TCF7L2: variants seen among roughly 807,000 people sequenced by gnomAD.
The protein encoded by TCF7L2 is transcription factor 7 like 2, also known as transcription factor 7-like 2.
In TCF7L2, 23 loss-of-function variants were observed where a neutral mutation model predicts 77.9. The observed-to-expected ratio is 0.30, with a 90% CI of 0.21 to 0.42. TCF7L2 has a LOEUF of 0.42. Among genes scored for constraint, TCF7L2 ranks in the 10% least tolerant of loss-of-function variants. The pLI, the probability that TCF7L2 is intolerant of heterozygous loss-of-function variation, is 1.00. For missense variants in TCF7L2, 654 were observed against 793.1 expected (o/e 0.82, Z 2.11); for synonymous variants, 413 against 340.2 (o/e 1.21, Z -2.36).
At chr10:112,961,246 C>A (rs1437819406) in intron 3 of TCF7L2, among the ~76,000 whole-genome samples, 1 of 95,338 alleles carries the variant, frequency 1.0e-5, no homozygotes, top group African/African-American at 4.9e-5. Context: ...AACTCCCGAC[C>A]TCAGGTGACC....
intron 11 of TCF7L2, among the ~76,000 whole-genome samples, chr10:113,157,030 G>A (rs1231365529): frequency 6.6e-6 from 1 of 152,222 alleles, no homozygotes; most frequent in African/African-American, 2.4e-5. Flanking sequence ...GGGAGGAGTG[G>A]TATCATCCTC....
chr10:113,136,103 C>G (rs1195885044), intron 5 of TCF7L2, among the ~76,000 whole-genome samples: 1 of 152,088 alleles, frequency 6.6e-6, no homozygotes, highest in Non-Finnish European at 1.5e-5. Context: ...AGGCATGTAA[C>G]CTGGAAAAAA....
rs544190395 is a variant in TCF7L2, at chr10:113,005,218, A to G, written c.451-34807A>G. Reference sequence around the variant, plus strand: ...TCTACCACGCCGCCTGATCATTCCAATGGCCCATTATGAATGTGTGTGCTG... The same window carrying G: ...TCTACCACGCCGCCTGATCATTCCAGTGGCCCATTATGAATGTGTGTGCTG... On this transcript the variant is annotated intron_variant, in intron 4 of 13. Coordinates refer to ENST00000627217, the MANE Select transcript of TCF7L2 (RefSeq NM_001146274.2). 6.6e-5 allele frequency among the ~76,000 whole-genome samples: 10 copies of G among 152,292 alleles called. No homozygotes were observed. In the East Asian group the frequency reaches 1.2e-3, roughly 18 times the overall value.
At chr10:113,089,794 A>T (rs1030183672) in intron 5 of TCF7L2, among the ~76,000 whole-genome samples, 1 of 152,196 alleles carries the variant, frequency 6.6e-6, no homozygotes, top group African/African-American at 2.4e-5. Flanking sequence ...CCTGGCTCCC[A>T]GTGAAGGCCC....
Position 113,166,722 on chromosome 10 carries a change from C to A in TCF7L2, c.*750C>A, listed in dbSNP as rs1408928129. ...TCTTGAAACTGTATAAAGTTTTTTT[C>A]CCCCTTAGCATAAGCATCTTATATA... On this transcript the variant is annotated 3_prime_UTR_variant, in exon 14 of 14. Transcript: ENST00000627217. 1.3e-5 allele frequency: 3 copies of A among 229,374 alleles called. No individual in the cohort carries two copies. The East Asian group carries it at 1.9e-4, about 14-fold the overall frequency. The allele number at this position is 229,374 out of a possible 1,614,324, so 14.2% of individuals were successfully genotyped here. A position where few individuals can be genotyped will look rare whatever the true frequency, so the allele number is the denominator to read the frequency against.
chr10:113,015,730 G>C (rs1412391686), intron 4 of TCF7L2, among the ~76,000 whole-genome samples: 1 of 151,992 alleles, frequency 6.6e-6, no homozygotes, highest in Non-Finnish European at 1.5e-5. Context: ...GATGCCAAAG[G>C]TTCACACCTT....
chr10:113,100,652 T>C (rs1219742717), intron 5 of TCF7L2, among the ~76,000 whole-genome samples: 1 of 152,198 alleles, frequency 6.6e-6, no homozygotes, highest in Non-Finnish European at 1.5e-5. Flanking sequence ...GTTAAACTTA[T>C]TGCGACCCTC....
At chr10:113,063,893 C>CGTGTGTGTGTGT (rs34087825) in intron 5 of TCF7L2, among the ~76,000 whole-genome samples, 142 of 147,156 alleles carry the variant, frequency 9.6e-4, no homozygotes, top group African/African-American at 3.4e-3. Flanking sequence ...ATGGATGTGG[C>CGTGTGTGTGTGT]GTGTGTGTGT....
intron 13 of TCF7L2, chr10:113,161,462 G>A (rs1592491504): frequency 8.8e-7 from 1 of 1,135,762 alleles, no homozygotes; most frequent in African/African-American, 1.5e-5. Context: ...GCATTCTCAG[G>A]GAAAGTGTAG....
At chr10:113,161,278 T>G (rs753737553) in intron 13 of TCF7L2, 2 of 442,556 alleles carry the variant, frequency 4.5e-6, no homozygotes, top group African/African-American at 2.0e-5. Flanking sequence ...ATGCACCAGC[T>G]AAAGGGCTGC....
chr10:112,951,706 CCCTCCCCGCCTCCT>C (rs1317052542), intron 3 of TCF7L2, 99 bp downstream of exon 3: 4 of 593,442 alleles, frequency 6.7e-6, no homozygotes, highest in South Asian at 7.2e-5. Context: ...CCCCGCCTCC[CCCTCCCCGCCTCCT>C]CCCCTCCCTC....
At chr10:113,063,723 G>A (rs2134985095) in intron 5 of TCF7L2, among the ~76,000 whole-genome samples, 1 of 152,308 alleles carries the variant, frequency 6.6e-6, no homozygotes, top group African/African-American at 2.4e-5. Context: ...CAAGGAGCCG[G>A]AGGGTGGAGA....
intron 5 of TCF7L2, among the ~76,000 whole-genome samples, chr10:113,050,343 G>A (rs142430661): frequency 1.4e-4 from 21 of 152,264 alleles, no homozygotes; most frequent in African/African-American, 4.8e-4. Context: ...AGCTGAGAGC[G>A]GTACAGCCTT....
In TCF7L2 at chr10:113,167,102, C is replaced by T; in HGVS notation, c.*1130C>T. On this transcript the variant is annotated 3_prime_UTR_variant, in exon 14 of 14. Transcript: ENST00000627217. ...AATTCTCAGTGAATTTAGCTTTCTC[C>T]CTCTTTTTGATGCTGTAATTTTTGT... 1 of 230,006 alleles carries T rather than the reference C, an allele frequency of 4.3e-6. No homozygotes were observed. Among genetic ancestry groups the T allele is most frequent in the African/African-American group, 2.2e-5 (1 of 45,216 alleles). The allele number at this position is 230,006 out of a possible 1,614,324, so 14.2% of individuals were successfully genotyped here.
chr10:113,077,583 C>A (rs916117821), intron 5 of TCF7L2, among the ~76,000 whole-genome samples: 1 of 152,146 alleles, frequency 6.6e-6, no homozygotes, highest in Non-Finnish European at 1.5e-5. Flanking sequence ...TAGATATATA[C>A]ATGAAGTCAT....
intron 5 of TCF7L2, among the ~76,000 whole-genome samples, chr10:113,064,308 C>T (rs946127362): frequency 3.3e-5 from 5 of 152,204 alleles, no homozygotes; most frequent in African/African-American, 4.8e-5. Context: ...CAGCTGGTTC[C>T]GTGCTCTGCA....
chr10:113,078,552 A>T (rs12146405), intron 5 of TCF7L2, among the ~76,000 whole-genome samples: 5 of 151,744 alleles, frequency 3.3e-5, no homozygotes, highest in East Asian at 1.9e-4. Flanking sequence ...TCTTTAAAAA[A>T]TTTTTTTTGC....
chr10:113,021,361 C>T (rs2048245237), intron 4 of TCF7L2, among the ~76,000 whole-genome samples: 1 of 152,074 alleles, frequency 6.6e-6, no homozygotes, highest in Non-Finnish European at 1.5e-5. Context: ...ATGTACACCT[C>T]CTAGGAAGTA....
At chr10:113,073,129 T>TGTGTGTGTGTGTGTGAGAGA (rs56927661) in intron 5 of TCF7L2, among the ~76,000 whole-genome samples, 24 of 123,484 alleles carry the variant, frequency 1.9e-4, no homozygotes, top group Non-Finnish European at 2.9e-4. Flanking sequence ...TGTGTGTGTG[T>TGTGTGTGTGTGTGTGAGAGA]GAGAGAGAGA....
Sources: gnomAD v4.1 joint callset for allele counts (sites outside exome capture counted in the v4.1 genomes callset) on GRCh38, gnomAD v4.1.1 for gene constraint, MANE v1.5 for transcripts, NCBI Gene and HGNC (gene_info 2026-07-23, HGNC 2026-07-21) for gene names.